The following PLXDC1 variants were observed in gnomAD, a reference collection of about 807,000 sequenced individuals.
The protein encoded by PLXDC1 is plexin domain containing 1.
Under a neutral mutation model 61.3 loss-of-function variants are expected in PLXDC1, and 39 were observed. The observed-to-expected ratio is 0.64, with a 90% confidence interval of 0.49 to 0.83. The LOEUF (loss-of-function observed/expected upper bound fraction) is 0.83, where lower values mean the gene tolerates loss of function less well. PLXDC1 is among the 40% of genes least tolerant of loss of function. PLXDC1 has a pLI of 0.00. For synonymous variants in PLXDC1, 212 were observed against 254.5 expected (o/e 0.83, Z 1.59); for missense variants, 596 against 666.5 (o/e 0.89, Z 1.17).
At chr17:39,127,769 C>G (rs911055404) in intron 2 of PLXDC1, among the ~76,000 whole-genome samples, 1 of 151,560 alleles carries the variant, frequency 6.6e-6, no homozygotes, top group Non-Finnish European at 1.5e-5. Flanking sequence ...TCCTGGCTAA[C>G]ACAGTGAAAC....
At chr17:39,139,633 C>G (rs751690623) in intron 2 of PLXDC1, 21 bp downstream of exon 2, 1 of 1,585,826 alleles carries the variant, frequency 6.3e-7, no homozygotes. Context: ...CGCTCCCCCT[C>G]CATGTTCCTC....
intron 7 of PLXDC1, among the ~76,000 whole-genome samples, chr17:39,097,303 C>T (rs897512546): frequency 1.3e-5 from 2 of 152,174 alleles, no homozygotes; most frequent in African/African-American, 4.8e-5. Flanking sequence ...TAGGATTATC[C>T]ATGGTGATCA....
chr17:39,104,234 CTT>C (rs1240259978), intron 7 of PLXDC1, among the ~76,000 whole-genome samples: 1 of 152,312 alleles, frequency 6.6e-6, no homozygotes, highest in East Asian at 1.9e-4. Context: ...AAGTATCACT[CTT>C]ATCCCTATTT....
At chr17:39,070,155 T>C in intron 12 of PLXDC1, 139 bp from the exon 13 acceptor site, 1 of 583,790 alleles carries the variant, frequency 1.7e-6, no homozygotes, top group South Asian at 2.6e-5. Flanking sequence ...CAGGAAGAGG[T>C]TGGGTGGGAG....
At chr17:39,104,945 C>T (rs1910542823) in intron 7 of PLXDC1, among the ~76,000 whole-genome samples, 1 of 152,222 alleles carries the variant, frequency 6.6e-6, no homozygotes, top group Non-Finnish European at 1.5e-5. Context: ...TGATGCCTCC[C>T]CCGGGAAGCC....
chr17:39,128,097 G>GTA (rs1419922925), intron 2 of PLXDC1, among the ~76,000 whole-genome samples: 1,323 of 67,480 alleles, frequency 0.02, 135 homozygotes, highest in East Asian at 0.031. Context: ...CTCTCTATGT[G>GTA]TATATATATA....
intron 2 of PLXDC1, among the ~76,000 whole-genome samples, chr17:39,132,538 G>A (rs1175757781): frequency 1.3e-5 from 2 of 151,826 alleles, no homozygotes; most frequent in Non-Finnish European, 2.9e-5. Context: ...TCTGACCAGG[G>A]TCCTCGGAGC....
At chr17:39,088,975 G>GAA (rs34514199) in intron 7 of PLXDC1, among the ~76,000 whole-genome samples, 67 of 122,528 alleles carry the variant, frequency 5.5e-4, no homozygotes, top group African/African-American at 1.8e-3. Context: ...GAGAGAGAGA[G>GAA]AAAAAGAAAG....
intron 2 of PLXDC1, among the ~76,000 whole-genome samples, chr17:39,117,347 AG>A (rs1911007009): frequency 6.6e-6 from 1 of 152,206 alleles, no homozygotes; most frequent in Non-Finnish European, 1.5e-5. Context: ...GCTGGGGGGT[AG>A]GATTATCATG....
chr17:39,121,832 C>T (rs565763459), intron 2 of PLXDC1, among the ~76,000 whole-genome samples: 116 of 152,190 alleles, frequency 7.6e-4, no homozygotes, highest in African/African-American at 2.6e-3. Flanking sequence ...AATGGGTGAC[C>T]GGGTCCGGAG....
At chr17:39,090,690 G>A (rs915931141) in intron 7 of PLXDC1, among the ~76,000 whole-genome samples, 1 of 152,162 alleles carries the variant, frequency 6.6e-6, no homozygotes, top group African/African-American at 2.4e-5. Context: ...AGGAGCCCTC[G>A]AAGCATGTGA....
intron 7 of PLXDC1, among the ~76,000 whole-genome samples, chr17:39,100,315 G>C (rs530536023): frequency 2.2e-3 from 335 of 152,226 alleles, no homozygotes; most frequent in Non-Finnish European, 4.2e-3. Context: ...GAGTGAGGTG[G>C]TGCGATCTCA....
At chr17:39,138,021 C>T (rs1468455556) in intron 2 of PLXDC1, among the ~76,000 whole-genome samples, 2 of 152,098 alleles carry the variant, frequency 1.3e-5, no homozygotes, top group South Asian at 2.1e-4. Flanking sequence ...CAGCCTTGAC[C>T]GCCCAGGCTC....
chr17:39,086,878 A>AAAAAAAAAAG (rs1298383783), intron 8 of PLXDC1, among the ~76,000 whole-genome samples: 8 of 150,744 alleles, frequency 5.3e-5, no homozygotes, highest in South Asian at 2.1e-4. Context: ...AAAAAAAAAA[A>AAAAAAAAAAG]AAGAAGAAGA....
rs992538327 is a variant in PLXDC1, at chr17:39,133,321, C to T, written c.255+6333G>A. ...TTTGGGTATGGAGCCACCTGAGTCT[C>T]GGGCGTGTGCAGACACCCTGGTGTG... is the stretch of plus-strand genomic sequence containing the variant. On this transcript the variant is annotated intron_variant, in intron 2 of 13. Transcript: ENST00000315392. 8.5e-5 allele frequency among the ~76,000 whole-genome samples: 13 copies of T among 152,198 alleles called. No individual in the cohort carries two copies. The South Asian group carries it at 2.1e-3, about 24-fold the overall frequency.
chr17:39,074,509 G>A (rs1403544116), intron 11 of PLXDC1, among the ~76,000 whole-genome samples: 1 of 152,190 alleles, frequency 6.6e-6, no homozygotes, highest in African/African-American at 2.4e-5. Context: ...TTAGCTGGCA[G>A]GGGATGCACA....
intron 2 of PLXDC1, among the ~76,000 whole-genome samples, chr17:39,127,295 A>G (rs1382284543): frequency 1.3e-5 from 2 of 152,138 alleles, no homozygotes; most frequent in Non-Finnish European, 2.9e-5. Flanking sequence ...CAGTTTACAT[A>G]GAACTTAGGA....
chr17:39,128,119 A>ATATATATGTG (rs1352054581), intron 2 of PLXDC1, among the ~76,000 whole-genome samples: 115 of 124,764 alleles, frequency 9.2e-4, no homozygotes, highest in Non-Finnish European at 1.6e-3. Context: ...ATATATGTAT[A>ATATATATGTG]TATATATGTG....
At chr17:39,121,031 A>G (rs969122128) in intron 2 of PLXDC1, among the ~76,000 whole-genome samples, 3 of 151,744 alleles carry the variant, frequency 2.0e-5, no homozygotes, top group African/African-American at 4.8e-5. Context: ...TGTAGAGTCA[A>G]GGTTTCACCA....
Sources: allele counts gnomAD v4.1 joint callset (sites outside exome capture counted in the v4.1 genomes callset), GRCh38; gene constraint gnomAD v4.1.1; transcripts MANE v1.5; gene names NCBI Gene and HGNC (gene_info 2026-07-23, HGNC 2026-07-21).